The following UNC13C variants were observed in gnomAD, a reference collection of about 807,000 sequenced individuals.
UNC13C encodes unc-13 homolog C, also known as protein unc-13 homolog C.
A neutral mutation model predicts 245.4 loss-of-function variants in UNC13C; 174 were observed. The observed-to-expected ratio is 0.71, with a 90% CI of 0.63 to 0.80. The LOEUF (loss-of-function observed/expected upper bound fraction) is 0.80, where lower values mean the gene tolerates loss of function less well. Among genes scored for constraint, UNC13C ranks in the 30% least tolerant of loss-of-function variants. The probability of loss-of-function intolerance (pLI) is 0.00; values close to 1 mark genes in which losing one functional copy is unlikely to be tolerated. For synonymous variants in UNC13C, 992 were observed against 895.1 expected, an observed-to-expected ratio of 1.11 and a Z score of -1.93; for missense variants, 2,829 against 2,602.9, an observed-to-expected ratio of 1.09 and a Z score of -1.89.
intron 17 of UNC13C, among the ~76,000 whole-genome samples, chr15:54,355,558 A>G (rs12899913): frequency 0.2 from 29,829 of 151,876 alleles, 2,922 homozygotes; most frequent in Middle Eastern, 0.23. Context: ...GGGTTTCACC[A>G]TGTTGGCCAG....
the UNC13C span, among the ~76,000 whole-genome samples, chr15:53,928,816 C>T: frequency 1.3e-5 from 2 of 152,158 alleles, no homozygotes; most frequent in Admixed American, 6.5e-5. Flanking sequence ...GTGATCTTAA[C>T]ATACAAAAGA....
intron 16 of UNC13C, among the ~76,000 whole-genome samples, chr15:54,337,800 C>T (rs1323666454): frequency 6.6e-6 from 1 of 152,122 alleles, no homozygotes; most frequent in Non-Finnish European, 1.5e-5. Context: ...CAGTTCCTTC[C>T]CACCTCGCTA....
intron 2 of UNC13C, among the ~76,000 whole-genome samples, chr15:54,083,037 G>A (rs970616265): frequency 3.3e-5 from 5 of 152,104 alleles, no homozygotes; most frequent in African/African-American, 1.2e-4. Context: ...TGCAATTCAG[G>A]CTGCATTCCA....
chr15:54,288,151 G>T (rs887626595), intron 10 of UNC13C, among the ~76,000 whole-genome samples: 1 of 152,142 alleles, frequency 6.6e-6, no homozygotes, highest in Non-Finnish European at 1.5e-5. Flanking sequence ...TTTGTATGTA[G>T]CAACCATAGA....
At chr15:54,517,087 T>TA (rs1895014003) in intron 24 of UNC13C, among the ~76,000 whole-genome samples, 1 of 152,120 alleles carries the variant, frequency 6.6e-6, no homozygotes. Context: ...TGTAATCTTA[T>TA]AAAAAATGGT....
chr15:54,511,773 T>C lies in UNC13C; in HGVS notation c.5400T>C (p.Asn1800=), dbSNP rs1894757174. Residue 1800 remains asparagine (N), a synonymous_variant, in exon 24 of 33, where the codon AAT becomes AAC. Coordinates refer to ENST00000260323, the MANE Select transcript of UNC13C (RefSeq NM_001080534.3). ...KENVPCILMN[N]IQQLRVQLEK... ...TAAAGCCCTGTATCTTGATGAACAA[T>C]ATTCAACAATTGCGGGTCCAGCTGG... 1 of 1,609,282 alleles carries C rather than the reference T, an allele frequency of 6.2e-7. No individual in the cohort carries two copies. The highest frequency in any genetic ancestry group is 2.2e-5 in the East Asian group (1 of 44,680).
chr15:54,445,021 T>G (rs1890730278), intron 19 of UNC13C, among the ~76,000 whole-genome samples: 2 of 132,862 alleles, frequency 1.5e-5, no homozygotes, highest in African/African-American at 2.8e-5. Context: ...TGTGTCCAAG[T>G]GTTCACATTG....
the UNC13C span, among the ~76,000 whole-genome samples, chr15:53,920,156 A>G: frequency 6.6e-6 from 1 of 152,154 alleles, no homozygotes; most frequent in African/African-American, 2.4e-5. Flanking sequence ...TTGTTTTACC[A>G]CTTCCTTCTT....
intron 31 of UNC13C, among the ~76,000 whole-genome samples, chr15:54,622,688 T>C (rs1031328527): frequency 6.6e-6 from 1 of 152,182 alleles, no homozygotes; most frequent in Non-Finnish European, 1.5e-5. Flanking sequence ...GTTGGTGCCA[T>C]GATATTCATT....
At chr15:54,265,209 A>G (rs1016075570) in intron 9 of UNC13C, 146 bp from the exon 10 acceptor site, 51 of 574,594 alleles carry the variant, frequency 8.9e-5, no homozygotes, top group Non-Finnish European at 1.4e-4. Context: ...AAATTTTTTT[A>G]AAGTTCTGTG....
In UNC13C at chr15:54,507,208, G is replaced by A. The variant is rs754680720; in HGVS notation, c.5379+14G>A. On this transcript the variant is annotated intron_variant, in intron 23 of 32. Transcript: ENST00000260323. ...AAGGAAAATGTGGTAAGTAAAAAAT[G>A]TCTCTACTTTCAAGTATCTCTCAGT... is the stretch of plus-strand genomic sequence containing the variant. 1 of 1,536,510 alleles carries A rather than the reference G, an allele frequency of 6.5e-7. No homozygotes were observed. Among genetic ancestry groups the A allele is most frequent in the Admixed American group, 1.9e-5 (1 of 53,642 alleles).
chr15:54,399,019 C>G (rs184853187), intron 18 of UNC13C, among the ~76,000 whole-genome samples: 159 of 151,502 alleles, frequency 1.0e-3, no homozygotes, highest in Admixed American at 9.9e-3. Context: ...TAGCAGTAAT[C>G]CAGTGAGAAG....
At chr15:53,967,434 A>T in the UNC13C span, among the ~76,000 whole-genome samples, 3 of 151,260 alleles carry the variant, frequency 2.0e-5, no homozygotes, top group Admixed American at 6.6e-5. Context: ...ACCTTTGTTT[A>T]TTTGGGGCTT....
intron 30 of UNC13C, among the ~76,000 whole-genome samples, chr15:54,607,121 A>T (rs1424962089): frequency 6.6e-6 from 1 of 152,228 alleles, no homozygotes; most frequent in Non-Finnish European, 1.5e-5. Flanking sequence ...AATTTGACTT[A>T]AATGAGTTGG....
At chr15:54,381,403 C>G (rs1414696423) in intron 17 of UNC13C, among the ~76,000 whole-genome samples, 1 of 151,358 alleles carries the variant, frequency 6.6e-6, no homozygotes, top group Non-Finnish European at 1.5e-5. Context: ...GCTTTTTTTT[C>G]TTTTTTTACA....
chr15:54,599,349 C>T (rs1408097915), intron 30 of UNC13C, among the ~76,000 whole-genome samples: 1 of 152,076 alleles, frequency 6.6e-6, no homozygotes, highest in African/African-American at 2.4e-5. Context: ...AAGAGAAAGC[C>T]TGAACAATTT....
the UNC13C span, among the ~76,000 whole-genome samples, chr15:53,874,007 T>C: frequency 2.0e-5 from 3 of 150,776 alleles, no homozygotes; most frequent in Non-Finnish European, 4.4e-5. Flanking sequence ...CTCAGGGTCT[T>C]ACTCTGTTGC....
chr15:54,297,391 T>C (rs1057407269), intron 11 of UNC13C, among the ~76,000 whole-genome samples: 54 of 152,128 alleles, frequency 3.5e-4, no homozygotes, highest in African/African-American at 1.2e-3. Context: ...CTCACTCTGT[T>C]AGACAAGGTG....
chr15:54,440,820 A>G lies in UNC13C; in HGVS notation c.4933+25753A>G, dbSNP rs544470359. ...TTTCTCTGTAACCCTGCCAGCATCT[A>G]TCATTTTTTAATCTTTTTAATAATA... On this transcript the variant is annotated intron_variant, in intron 19 of 32. Coordinates refer to ENST00000260323, the MANE Select transcript of UNC13C (RefSeq NM_001080534.3). Among the ~76,000 whole-genome samples, 113 of 152,076 alleles carry G rather than the reference A, an allele frequency of 7.4e-4. 3 individuals are homozygous for G. In the South Asian group the frequency reaches 0.023, roughly 30 times the overall value.
Sources: allele counts gnomAD v4.1 joint callset (sites outside exome capture counted in the v4.1 genomes callset), GRCh38; gene constraint gnomAD v4.1.1; transcripts MANE v1.5; gene names NCBI Gene and HGNC (gene_info 2026-07-23, HGNC 2026-07-21).